DCAF5: variants seen among roughly 807,000 people sequenced by gnomAD.
The protein encoded by DCAF5 is DDB1 and CUL4 associated factor 5.
DCAF5 carries 9 observed loss-of-function variants against 80.7 expected under a neutral mutation model. The ratio of observed to expected loss-of-function variants is 0.11; its 90% CI spans 0.07 to 0.19. The LOEUF is 0.19. Among genes scored for constraint, DCAF5 ranks in the 10% least tolerant of loss-of-function variants. DCAF5 has a pLI of 1.00. For missense variants in DCAF5, 842 were observed against 1,205.7 expected (o/e 0.70, Z 4.47); for synonymous variants, 433 against 461.9 (o/e 0.94, Z 0.80).
intron 1 of DCAF5, among the ~76,000 whole-genome samples, chr14:69,130,643 C>G (rs2041013955): frequency 6.6e-6 from 1 of 152,040 alleles, no homozygotes; most frequent in South Asian, 2.1e-4. Context: ...TACAATGCAG[C>G]CTAAATAAAT....
rs760660971 is a variant in DCAF5 at position 69,116,458 on chromosome 14, A to G, written c.573T>C (p.His191=). 5 of 1,613,596 alleles carry G rather than the reference A, an allele frequency of 3.1e-6. No homozygotes were observed. The highest frequency in any genetic ancestry group is 2.5e-6 in the Non-Finnish European group (3 of 1,179,584). The change falls in exon 5 of 9, where the codon CAT becomes CAC. Residue 191 remains histidine, a synonymous_variant. Transcript: ENST00000341516. ...FCLANYPSAF[H]SVMFNPVEPR... ...GCTCCACAGGGTTAAACATGACACTATGAAAGGCTGATGGATAGTTTGCCA... is the reference window on the plus strand; with the variant it reads ...GCTCCACAGGGTTAAACATGACACTGTGAAAGGCTGATGGATAGTTTGCCA...
At position 69,123,443 on chromosome 14, in the gene DCAF5, G is replaced by C. The variant is rs116770689; in HGVS notation, c.215-1083C>G. On this transcript the variant is annotated intron_variant, in intron 1 of 8. Transcript: ENST00000341516. ...GTATTTGCATAGCCCTATCTAGATG[G>C]CTATAAAAGAAGCTGTTTATAGTGC... 4.0e-3 allele frequency among the ~76,000 whole-genome samples: 611 copies of C among 152,268 alleles called. 2 individuals are homozygous for C. The highest frequency in any genetic ancestry group is 0.014 in the African/African-American group (577 of 41,534).
intron 6 of DCAF5, among the ~76,000 whole-genome samples, chr14:69,078,626 G>T: frequency 6.6e-6 from 1 of 152,290 alleles, no homozygotes; most frequent in East Asian, 1.9e-4. Context: ...CAACTCTGAG[G>T]ACATCACATC....
chr14:69,070,313 T>C (rs532817941), intron 7 of DCAF5, among the ~76,000 whole-genome samples: 2 of 152,340 alleles, frequency 1.3e-5, no homozygotes, highest in African/African-American at 2.4e-5. Context: ...ATTACTTTCA[T>C]ACCTAACTTA....
intron 6 of DCAF5, among the ~76,000 whole-genome samples, chr14:69,081,270 T>C (rs1252627301): frequency 2.0e-5 from 3 of 152,296 alleles, no homozygotes; most frequent in Non-Finnish European, 2.9e-5. Flanking sequence ...AGGAGATCCA[T>C]AGACTACAAT....
At chr14:69,143,311 T>G in intron 1 of DCAF5, among the ~76,000 whole-genome samples, 1 of 152,178 alleles carries the variant, frequency 6.6e-6, no homozygotes, top group East Asian at 1.9e-4. Flanking sequence ...AGTTAGCATG[T>G]CTCAGAAAAC....
intron 1 of DCAF5, among the ~76,000 whole-genome samples, chr14:69,127,480 T>A (rs1275409): frequency 0.24 from 37,105 of 152,052 alleles, 5,874 homozygotes; most frequent in Middle Eastern, 0.42. Context: ...TTGCCAGGGT[T>A]TGGAGGCAGG....
At chr14:69,139,916 G>T (rs1465058754) in intron 1 of DCAF5, among the ~76,000 whole-genome samples, 1 of 149,466 alleles carries the variant, frequency 6.7e-6, no homozygotes, top group Admixed American at 6.7e-5. Context: ...AGAAAGAGAA[G>T]GAAGGAAAGA....
intron 8 of DCAF5, among the ~76,000 whole-genome samples, chr14:69,061,180 C>G (rs1347368321): frequency 6.6e-6 from 1 of 151,880 alleles, no homozygotes; most frequent in Non-Finnish European, 1.5e-5. Flanking sequence ...TTTGTAGAGA[C>G]CACGTCCCAC....
chr14:69,071,562 CA>C (rs952130305), intron 7 of DCAF5, among the ~76,000 whole-genome samples: 2 of 126,934 alleles, frequency 1.6e-5, no homozygotes, highest in African/African-American at 2.9e-5. Context: ...ATCATATATC[CA>C]AAAGGTACAC....
chr14:69,123,214 G>A (rs999665437), intron 1 of DCAF5, among the ~76,000 whole-genome samples: 1 of 152,204 alleles, frequency 6.6e-6, no homozygotes, highest in African/African-American at 2.4e-5. Context: ...CGTTAAGGGG[G>A]AAAATGAGGT....
chr14:69,106,635 G>A (rs1223389996), intron 5 of DCAF5, among the ~76,000 whole-genome samples: 1 of 152,174 alleles, frequency 6.6e-6, no homozygotes, highest in Non-Finnish European at 1.5e-5. Flanking sequence ...GGCTCCCAAA[G>A]TGCTAGGATT....
At chr14:69,117,573 T>C (rs1407993573) in intron 4 of DCAF5, among the ~76,000 whole-genome samples, 2 of 152,048 alleles carry the variant, frequency 1.3e-5, no homozygotes, top group East Asian at 1.9e-4. Flanking sequence ...AATCTCTCTG[T>C]AGGAAATGAG....
chr14:69,054,085 A>C lies in DCAF5; in HGVS notation c.2601T>G (p.Thr867=). ...VAYSSPGHSD[T]DRDNSSLTGT... ...CTGTCAGGGACGAGTTATCACGGTC[A>C]GTGTCTGAGTGTCCTGGGGAAGAGT... The change falls in exon 9 of 9, where the codon ACT becomes ACG. Residue 867 remains threonine, a synonymous_variant. Transcript: ENST00000341516. 1 of 1,614,260 alleles carries C rather than the reference A, an allele frequency of 6.2e-7. No homozygotes were observed. The highest frequency in any genetic ancestry group is 8.5e-7 in the Non-Finnish European group (1 of 1,180,038).
In DCAF5 at chr14:69,062,384, C is replaced by T. The variant is rs868733568; in HGVS notation, c.1074G>A (p.Lys358=). ...AGGACAGAAGGGGAAGGTGCCTCAC[C>T]TTGATAATCTTTTCTACACCAGAAG... ...ICSSGVEKII[K]IWSPYKQPGC... Residue 358 remains lysine, a splice_region_variant and synonymous_variant, in exon 8 of 9, where the codon AAG becomes AAA. Coordinates refer to ENST00000341516, the MANE Select transcript of DCAF5 (RefSeq NM_003861.3). The T allele has an allele frequency of 6.2e-7, 1 of 1,612,972 alleles. No homozygotes were observed. The highest frequency in any genetic ancestry group is 8.5e-7 in the Non-Finnish European group (1 of 1,179,266).
rs114885574 is a variant in DCAF5 at position 69,076,899 on chromosome 14, A to G, written c.880-1488T>C. 5.6e-3 allele frequency among the ~76,000 whole-genome samples: 852 copies of G among 152,258 alleles called. 9 individuals are homozygous for G. Among genetic ancestry groups the G allele is most frequent in the African/African-American group, 0.019 (796 of 41,548 alleles). On this transcript the variant is annotated intron_variant, in intron 6 of 8. Coordinates refer to ENST00000341516, the MANE Select transcript of DCAF5 (RefSeq NM_003861.3). ...TCCTGAACTTCCTTACTGCCAGCTGATATCTTTGAGCAGGAAGCCATCACC... is the reference window on the plus strand; with the variant it reads ...TCCTGAACTTCCTTACTGCCAGCTGGTATCTTTGAGCAGGAAGCCATCACC...
rs2037787819 is a variant in DCAF5, at chr14:69,052,303, C to A, written c.*1554G>T. ...GGCAGCCTCCCCTTGGCTCCAGTTC[C>A]AGCAGGACAGGCCTTCCTCTGAAAG... On this transcript the variant is annotated 3_prime_UTR_variant, in exon 9 of 9. Transcript: ENST00000341516. 6.5e-6 allele frequency: 1 copy of A among 152,706 alleles called. No individual in the cohort carries two copies. Among genetic ancestry groups the A allele is most frequent in the African/African-American group, 2.4e-5 (1 of 41,454 alleles). 9.5% of individuals were successfully genotyped at this position (152,706 alleles called of 1,614,324 possible). A position where few individuals can be genotyped will look rare whatever the true frequency, so the allele number is the denominator to read the frequency against.
chr14:69,099,928 T>C (rs1299058815), intron 5 of DCAF5, among the ~76,000 whole-genome samples: 2 of 147,392 alleles, frequency 1.4e-5, no homozygotes, highest in African/African-American at 2.5e-5. Flanking sequence ...AAAATAACAT[T>C]AAAAAAAAAA....
chr14:69,096,091 TAGA>T (rs1411707057), intron 5 of DCAF5, among the ~76,000 whole-genome samples: 2 of 152,188 alleles, frequency 1.3e-5, no homozygotes, highest in South Asian at 2.1e-4. Flanking sequence ...TGACAAATCC[TAGA>T]AGATACTAGA....
Sources: allele counts gnomAD v4.1 joint callset (sites outside exome capture counted in the v4.1 genomes callset), GRCh38; gene constraint gnomAD v4.1.1; transcripts MANE v1.5; gene names NCBI Gene and HGNC (gene_info 2026-07-23, HGNC 2026-07-21).